Variants in MCM5 observed in about 807,000 individuals in gnomAD.
The protein encoded by MCM5 is minichromosome maintenance complex component 5.
In MCM5, 46 loss-of-function variants were observed where a neutral mutation model predicts 79.9. That is an observed-to-expected ratio of 0.58 (90% CI 0.45 to 0.74). The LOEUF is 0.74. MCM5 is among the 30% of genes least tolerant of loss of function. The probability of loss-of-function intolerance (pLI) is 0.00; values close to 1 mark genes in which losing one functional copy is unlikely to be tolerated. For synonymous variants in MCM5, 404 were observed against 390.5 expected, an observed-to-expected ratio of 1.03 and a Z score of -0.41; for missense variants, 883 against 1,017.0, an observed-to-expected ratio of 0.87 and a Z score of 1.79.
At chr22:35,453,819 T>TATATATATAGAGAGAG in the MCM5 span, among the ~76,000 whole-genome samples, 50 of 81,536 alleles carry the variant, frequency 6.1e-4, no homozygotes, top group African/African-American at 2.8e-3. Context: ...TATATATATA[T>TATATATATAGAGAGAG]AGAGAGAGAG....
At chr22:35,412,419 C>T (rs1187867371) in intron 7 of MCM5, 91 bp from the exon 8 acceptor site, 1 of 1,157,658 alleles carries the variant, frequency 8.6e-7, no homozygotes, top group Non-Finnish European at 1.2e-6. Context: ...AGGGCTCTGC[C>T]TTCTGGGAGG....
At chr22:35,438,643 C>CCATCCATCCACCCACATATTCATG in the MCM5 span, among the ~76,000 whole-genome samples, 1 of 147,778 alleles carries the variant, frequency 6.8e-6, no homozygotes, top group African/African-American at 2.5e-5. Context: ...ACATATTCAT[C>CCATCCATCCACCCACATATTCATG]CATCCATCCA....
At chr22:35,449,567 AGCTGTGGCCTCTCTGTCCCAGCCG>A in the MCM5 span, among the ~76,000 whole-genome samples, 16 of 150,878 alleles carry the variant, frequency 1.1e-4, no homozygotes, top group Non-Finnish European at 2.2e-4. Context: ...TCTTTGTCCC[AGCTGTGGCCTCTCTGTCCCAGCCG>A]TGGCCCCTCT....
intron 15 of MCM5, 82 bp from the exon 16 acceptor site, chr22:35,423,132 C>T: frequency 1.4e-6 from 2 of 1,438,770 alleles, no homozygotes; most frequent in South Asian, 1.4e-5. Context: ...TCAGGCTGTT[C>T]TTCCTTGGGC....
chr22:35,406,754 G>A (rs1405404293), intron 5 of MCM5, 29 bp downstream of exon 5: 2 of 1,599,324 alleles, frequency 1.3e-6, no homozygotes, highest in Non-Finnish European at 8.5e-7. Flanking sequence ...GGGACTGTGG[G>A]AGGTGACCTG....
Position 35,421,967 on chromosome 22 carries a change from C to G in MCM5, c.1975+507C>G. The G allele has an allele frequency of 1.6e-5, 4 of 244,152 alleles. No individual in the cohort carries two copies. In the South Asian group the frequency reaches 2.1e-4, roughly 13 times the overall value. The allele number at this position is 244,152 out of a possible 1,614,324, so 15.1% of individuals were successfully genotyped here. On this transcript the variant is annotated intron_variant, in intron 15 of 16. Coordinates refer to ENST00000216122, the MANE Select transcript of MCM5 (RefSeq NM_006739.4). ...GCCCCTAGGCCAGCGTTTTCCACAC[C>G]ATAAGCCATACTGTCTGGTTTCGGT...
chr22:35,426,176 G>C (rs1932778362), downstream of MCM5, among the ~76,000 whole-genome samples: 1 of 152,150 alleles, frequency 6.6e-6, no homozygotes, highest in Non-Finnish European at 1.5e-5. Flanking sequence ...GTGGTAGTTG[G>C]GGTAGGGCTC....
At chr22:35,437,874 A>G in the MCM5 span, among the ~76,000 whole-genome samples, 1 of 152,310 alleles carries the variant, frequency 6.6e-6, no homozygotes, top group East Asian at 1.9e-4. Context: ...CCAGGTTGGA[A>G]AGTGTCAATC....
At chr22:35,413,193 C>T (rs1932438660) in intron 8 of MCM5, among the ~76,000 whole-genome samples, 1 of 152,062 alleles carries the variant, frequency 6.6e-6, no homozygotes, top group Non-Finnish European at 1.5e-5. Context: ...CAGGCGCCTG[C>T]CACCATGCCC....
chr22:35,450,477 C>T, the MCM5 span, among the ~76,000 whole-genome samples: 1 of 152,202 alleles, frequency 6.6e-6, no homozygotes, highest in Non-Finnish European at 1.5e-5. Flanking sequence ...GAAGCGCTGT[C>T]TCTAAGTGGG....
chr22:35,400,830 T>G (rs191675666), intron 2 of MCM5, among the ~76,000 whole-genome samples: 6 of 152,352 alleles, frequency 3.9e-5, no homozygotes, highest in Non-Finnish European at 4.4e-5. Context: ...CGTATTTGTT[T>G]ATTATTTTGA....
In MCM5 at chr22:35,400,475, G is replaced by T. The variant is rs575116718; in HGVS notation, c.37G>T (p.Asp13Tyr). Residue 13 changes from aspartate (D) to tyrosine (Y), a missense_variant, in exon 2 of 17, where the codon GAC becomes TAC. By Grantham distance (160) the Asp-to-Tyr change is radical (BLOSUM62 -3). Transcript: ENST00000216122. Reference protein sequence around the residue: ...GFDDPGIFYSDSFGGDAQADE... With the variant: ...GFDDPGIFYSYSFGGDAQADE... The stretch of plus-strand genomic sequence containing the variant: ...CGACGATCCTGGCATTTTCTACAGC[G>T]ACAGCTTCGGGGGCGACGCCCAGGC... The T allele has an allele frequency of 1.2e-6, 2 of 1,613,980 alleles. No individual in the cohort carries two copies. Among genetic ancestry groups the T allele is most frequent in the Non-Finnish European group, 1.7e-6 (2 of 1,179,980 alleles).
At chr22:35,415,690 C>T in intron 9 of MCM5, 139 bp from the exon 10 acceptor site, 1 of 913,208 alleles carries the variant, frequency 1.1e-6, no homozygotes, top group Non-Finnish European at 1.7e-6. Flanking sequence ...TGAGTTGGAG[C>T]CTTGAGTCCT....
chr22:35,415,345 C>T (rs1018704867), intron 9 of MCM5, among the ~76,000 whole-genome samples: 20 of 152,204 alleles, frequency 1.3e-4, no homozygotes, highest in Non-Finnish European at 2.5e-4. Flanking sequence ...TCTTTGAAAT[C>T]GTGCGTATTT....
At chr22:35,447,053 G>A in the MCM5 span, among the ~76,000 whole-genome samples, 3 of 152,332 alleles carry the variant, frequency 2.0e-5, no homozygotes, top group African/African-American at 4.8e-5. Context: ...GCTCAGGGAC[G>A]GCAGCTAGAA....
At chr22:35,448,080 C>T in the MCM5 span, among the ~76,000 whole-genome samples, 1 of 152,200 alleles carries the variant, frequency 6.6e-6, no homozygotes, top group Non-Finnish European at 1.5e-5. Flanking sequence ...TGCGGTGTCT[C>T]ATGTCTGCTG....
At chr22:35,439,337 A>G in the MCM5 span, among the ~76,000 whole-genome samples, 1 of 151,850 alleles carries the variant, frequency 6.6e-6, no homozygotes, top group Non-Finnish European at 1.5e-5. Flanking sequence ...CCATCTACCC[A>G]CATATTCATT....
the MCM5 span, among the ~76,000 whole-genome samples, chr22:35,442,675 C>T: frequency 6.6e-6 from 1 of 152,214 alleles, no homozygotes; most frequent in African/African-American, 2.4e-5. Flanking sequence ...GGCTCTGCCT[C>T]CTGCCTCCTT....
At chr22:35,416,091 C>T (rs963576830) in intron 10 of MCM5, 119 bp downstream of exon 10, 29 of 1,302,614 alleles carry the variant, frequency 2.2e-5, no homozygotes, top group Middle Eastern at 4.2e-4. Flanking sequence ...ATCCCTGGGC[C>T]GGTCACTCTA....
Sources: allele counts gnomAD v4.1 joint callset (sites outside exome capture counted in the v4.1 genomes callset), GRCh38; gene constraint gnomAD v4.1.1; transcripts MANE v1.5; gene names NCBI Gene and HGNC (gene_info 2026-07-23, HGNC 2026-07-21).